ARID1B: variants seen among roughly 807,000 people sequenced by gnomAD.
The protein encoded by ARID1B is AT-rich interaction domain 1B.
ARID1B carries 30 observed loss-of-function variants against 212.3 expected under a neutral mutation model. The observed-to-expected ratio is 0.14, with a 90% confidence interval of 0.11 to 0.19. The LOEUF is 0.19. ARID1B is among the 10% of genes least tolerant of loss of function. The pLI is 1.00. For missense variants in ARID1B, 2,891 were observed against 3,204.0 expected (o/e 0.90, Z 2.36); for synonymous variants, 1,402 against 1,301.7 (o/e 1.08, Z -1.66).
intron 2 of ARID1B, among the ~76,000 whole-genome samples, chr6:156,895,097 T>C (rs987522557): frequency 1.3e-5 from 2 of 152,264 alleles, no homozygotes; most frequent in Non-Finnish European, 2.9e-5. Flanking sequence ...CCAAACTTTT[T>C]AAAGGATTTC....
intron 6 of ARID1B, among the ~76,000 whole-genome samples, chr6:157,114,908 C>T (rs888046502): frequency 1.4e-4 from 22 of 152,106 alleles, no homozygotes; most frequent in Non-Finnish European, 7.4e-5. Context: ...AGCCTAAGTC[C>T]CCCCAGTTTC....
intron 2 of ARID1B, among the ~76,000 whole-genome samples, chr6:156,832,963 T>A (rs1369899229): frequency 6.6e-6 from 1 of 152,186 alleles, no homozygotes; most frequent in East Asian, 1.9e-4. Context: ...TTCTCCCACA[T>A]CATCAGGCAA....
intron 4 of ARID1B, among the ~76,000 whole-genome samples, chr6:157,061,575 A>AG (rs1783345321): frequency 1.4e-5 from 2 of 145,792 alleles, no homozygotes; most frequent in African/African-American, 5.0e-5. Flanking sequence ...TCAGATTTAG[A>AG]AAAAAAAAAA....
In ARID1B at chr6:156,829,286, C is replaced by A. The variant is rs1217395033; in HGVS notation, c.1851C>A (p.Asn617Lys). ...KRPQLYGMGS[N>K]PHSQPQQSSP... ...CTCAGTTGTATGGCATGGGCAGTAA[C>A]CCTCATTCTCAGCCTCAGCAGAGCA... Residue 617 changes from asparagine (N) to lysine (K), a missense_variant, in exon 2 of 20, where the codon AAC becomes AAA. Asn to Lys is a moderately conservative substitution (Grantham distance 94). Around this residue, in one of 7 missense-constraint regions of ARID1B, gnomAD observed 1,643 missense variants for 1,544.0 expected, o/e 1.06. Transcript: ENST00000636930. The A allele has an allele frequency of 6.2e-7, 1 of 1,614,202 alleles. No homozygotes were observed.
intron 11 of ARID1B, among the ~76,000 whole-genome samples, chr6:157,176,545 A>C (rs1351331713): frequency 6.6e-6 from 1 of 152,162 alleles, no homozygotes; most frequent in African/African-American, 2.4e-5. Context: ...AATCTTTAAA[A>C]CTTAAGATAA....
chr6:157,010,517 TTCACCA>T lies in ARID1B; in HGVS notation c.2248-74143_2248-74138del. On this transcript the variant is annotated intron_variant, in intron 4 of 19. Coordinates refer to ENST00000636930, the MANE Select transcript of ARID1B (RefSeq NM_001374828.1). Reference sequence around the variant, plus strand: ...GTTACATTTTTAGTAGAGACGGAGTTTCACCATGTTGGCCAGGACGGTCTCATCTCC... The same window carrying T: ...GTTACATTTTTAGTAGAGACGGAGTTTGTTGGCCAGGACGGTCTCATCTCC... Among the ~76,000 whole-genome samples, 2 of 151,958 alleles carry T rather than the reference TTCACCA, an allele frequency of 1.3e-5. 1 individual carries two copies. The highest frequency in any genetic ancestry group is 4.2e-4 in the South Asian group (2 of 4,810).
chr6:157,176,285 G>A (rs184864338), intron 11 of ARID1B, among the ~76,000 whole-genome samples: 2 of 152,346 alleles, frequency 1.3e-5, no homozygotes, highest in African/African-American at 4.8e-5. Flanking sequence ...GGGTGCATCC[G>A]AACTCGCAGG....
Position 156,778,790 on chromosome 6 carries a change from C to T in ARID1B, c.1110C>T (p.His370=), listed in dbSNP as rs773305123. The change falls in exon 1 of 20, where the codon CAC becomes CAT. Residue 370 remains histidine (H), a synonymous_variant. Transcript: ENST00000636930. ...PGSMDPLQNS[H]EGYPNSQCNH... ...GCATGGACCCCCTGCAGAACTCCCACGAAGGGTACCCCAACAGCCAGTGCA... is the reference window on the plus strand; with the variant it reads ...GCATGGACCCCCTGCAGAACTCCCATGAAGGGTACCCCAACAGCCAGTGCA... 6.6e-7 allele frequency: 1 copy of T among 1,507,766 alleles called. No individual in the cohort carries two copies. The highest frequency in any genetic ancestry group is 8.9e-7 in the Non-Finnish European group (1 of 1,125,816). 93.4% of individuals were successfully genotyped at this position (1,507,766 alleles called of 1,614,324 possible).
At chr6:157,111,812 A>G (rs1271553185) in intron 6 of ARID1B, among the ~76,000 whole-genome samples, 3 of 152,194 alleles carry the variant, frequency 2.0e-5, no homozygotes, top group Admixed American at 1.3e-4. Context: ...CGATAATATA[A>G]TGTTTTAATA....
chr6:157,105,790 C>T (rs529054993), intron 5 of ARID1B, among the ~76,000 whole-genome samples: 170 of 152,032 alleles, frequency 1.1e-3, no homozygotes, highest in Non-Finnish European at 1.1e-3. Flanking sequence ...TTAATAGAGA[C>T]GGGGTTTCAC....
chr6:157,197,531 C>T (rs112847696), intron 16 of ARID1B, among the ~76,000 whole-genome samples: 23 of 152,346 alleles, frequency 1.5e-4, no homozygotes, highest in African/African-American at 4.8e-4. Context: ...TAAGGAGACA[C>T]GGTGCTTTCT....
At chr6:157,181,318 C>T (rs1411220147) in intron 12 of ARID1B, 140 bp downstream of exon 12, 2 of 1,079,508 alleles carry the variant, frequency 1.9e-6, no homozygotes, top group African/African-American at 1.6e-5. Flanking sequence ...TCTTGCAACC[C>T]ACGTCTGTGT....
At chr6:156,932,143 AAAGGG>A (rs1486807067) in intron 3 of ARID1B, among the ~76,000 whole-genome samples, 12 of 101,962 alleles carry the variant, frequency 1.2e-4, no homozygotes, top group South Asian at 3.4e-4. Context: ...AAAAAAAAAA[AAAGGG>A]GGGGGGCGGG....
At chr6:156,857,336 G>A (rs1421381910) in intron 2 of ARID1B, among the ~76,000 whole-genome samples, 1 of 152,188 alleles carries the variant, frequency 6.6e-6, no homozygotes, top group Non-Finnish European at 1.5e-5. Flanking sequence ...CCCCTGCTTT[G>A]TGGAGGCTGT....
intron 3 of ARID1B, among the ~76,000 whole-genome samples, chr6:156,917,428 G>A (rs1790446098): frequency 6.6e-6 from 1 of 152,174 alleles, no homozygotes; most frequent in Non-Finnish European, 1.5e-5. Context: ...AGTTGAACAG[G>A]AGGGTTGACG....
chr6:156,937,643 C>G (rs568714957), intron 4 of ARID1B: 54 of 152,318 alleles, frequency 3.5e-4, no homozygotes, highest in African/African-American at 1.2e-3. Context: ...TTTCAGATAA[C>G]TGACTGAAGA....
intron 4 of ARID1B, among the ~76,000 whole-genome samples, chr6:157,065,135 C>G (rs953825975): frequency 6.6e-6 from 1 of 152,150 alleles, no homozygotes; most frequent in African/African-American, 2.4e-5. Context: ...TCTCCACGTC[C>G]CTATCTAACC....
chr6:156,979,249 A>G (rs1056199189), intron 4 of ARID1B, among the ~76,000 whole-genome samples: 1 of 152,234 alleles, frequency 6.6e-6, no homozygotes, highest in Non-Finnish European at 1.5e-5. Flanking sequence ...GTACAAATCT[A>G]AAGTAACTGC....
intron 2 of ARID1B, among the ~76,000 whole-genome samples, chr6:156,855,667 A>G (rs944346673): frequency 2.6e-5 from 4 of 152,194 alleles, no homozygotes; most frequent in African/African-American, 9.7e-5. Context: ...AAGTTCATCA[A>G]AGCAGTTCAT....
Sources: allele counts gnomAD v4.1 joint callset (sites outside exome capture counted in the v4.1 genomes callset), GRCh38; gene constraint gnomAD v4.1.1; regional missense constraint gnomAD v4.1.1; transcripts MANE v1.5; gene names NCBI Gene and HGNC (gene_info 2026-07-23, HGNC 2026-07-21).